Variants in NDST4 observed in about 807,000 individuals in gnomAD.
NDST4 encodes N-deacetylase and N-sulfotransferase 4, also known as N-heparan sulfate sulfotransferase 4.
Under a neutral mutation model 100.8 loss-of-function variants are expected in NDST4, and 63 were observed. The ratio of observed to expected loss-of-function variants is 0.62; its 90% CI spans 0.51 to 0.77. NDST4 has a LOEUF of 0.77. Ranked by LOEUF, NDST4 falls within the 30% of genes least tolerant of loss-of-function variation. NDST4 has a pLI of 0.00. For synonymous variants in NDST4, 377 were observed against 361.8 expected, an observed-to-expected ratio of 1.04 and a Z score of -0.48; for missense variants, 943 against 1,018.4, an observed-to-expected ratio of 0.93 and a Z score of 1.01.
intron 2 of NDST4, among the ~76,000 whole-genome samples, chr4:115,039,785 C>T (rs2126273525): frequency 6.6e-6 from 1 of 152,144 alleles, no homozygotes; most frequent in African/African-American, 2.4e-5. Context: ...GTAAATAATA[C>T]ATGCACACAC....
At chr4:114,979,824 A>G (rs1020762231) in intron 2 of NDST4, among the ~76,000 whole-genome samples, 4 of 151,992 alleles carry the variant, frequency 2.6e-5, no homozygotes, top group Non-Finnish European at 5.9e-5. Context: ...AAAATGACAA[A>G]TTCTATAAGT....
intron 2 of NDST4, among the ~76,000 whole-genome samples, chr4:115,005,676 G>A (rs1009339357): frequency 1.3e-5 from 2 of 152,132 alleles, no homozygotes; most frequent in Non-Finnish European, 2.9e-5. Context: ...TTCTGAATAA[G>A]ACTAGAGGCA....
At chr4:114,965,469 A>G (rs894712704) in intron 4 of NDST4, among the ~76,000 whole-genome samples, 2 of 147,666 alleles carry the variant, frequency 1.4e-5, no homozygotes, top group Non-Finnish European at 2.9e-5. Context: ...GTAATTATGA[A>G]AAAAGTTATA....
chr4:114,928,135 T>C (rs188377324), intron 6 of NDST4, among the ~76,000 whole-genome samples: 170 of 152,344 alleles, frequency 1.1e-3, no homozygotes, highest in African/African-American at 3.9e-3. Flanking sequence ...AACTAACTTC[T>C]TTCCTTGGCA....
Position 114,841,783 on chromosome 4 carries a change from T to C in NDST4, c.2116-2235A>G, listed in dbSNP as rs181865474. Among the ~76,000 whole-genome samples the C allele has an allele frequency of 3.9e-4, 60 of 152,342 alleles. 1 individual carries two copies. The highest frequency in any genetic ancestry group is 1.4e-3 in the African/African-American group (57 of 41,586). ...CATAATTCTTGTACCTTGTGGGAAA[T>C]ACTGACTCGTGTATTAGATAAATTC... On this transcript the variant is annotated intron_variant, in intron 10 of 13. Transcript: ENST00000264363.
At chr4:114,959,950 G>A (rs887996223) in intron 4 of NDST4, among the ~76,000 whole-genome samples, 10 of 151,998 alleles carry the variant, frequency 6.6e-5, no homozygotes, top group Non-Finnish European at 1.2e-4. Flanking sequence ...CAGTGAACTA[G>A]AACTAAAATA....
intron 2 of NDST4, among the ~76,000 whole-genome samples, chr4:115,011,244 T>C (rs1462353889): frequency 6.6e-6 from 1 of 151,996 alleles, no homozygotes; most frequent in East Asian, 1.9e-4. Flanking sequence ...ATCTGTATGT[T>C]ACATGTCTAC....
chr4:114,945,647 C>G (rs554890460), intron 4 of NDST4, among the ~76,000 whole-genome samples: 1 of 152,294 alleles, frequency 6.6e-6, no homozygotes, highest in Non-Finnish European at 1.5e-5. Flanking sequence ...CCTTGTTGAA[C>G]TTAAAGTGCT....
intron 3 of NDST4, among the ~76,000 whole-genome samples, chr4:114,972,579 C>T (rs922093597): frequency 6.6e-6 from 1 of 151,778 alleles, no homozygotes; most frequent in Non-Finnish European, 1.5e-5. Flanking sequence ...AAGAGTTTAC[C>T]ACTTCCTCAG....
intron 8 of NDST4, 58 bp downstream of exon 8, chr4:114,852,667 A>G: frequency 1.1e-6 from 1 of 911,186 alleles, no homozygotes; most frequent in Non-Finnish European, 1.7e-6. Context: ...CCATATACCA[A>G]TGTATTTCAT....
At chr4:114,850,857 A>G (rs958213042) in intron 8 of NDST4, among the ~76,000 whole-genome samples, 1 of 152,168 alleles carries the variant, frequency 6.6e-6, no homozygotes, top group Non-Finnish European at 1.5e-5. Flanking sequence ...TGAAGGATGA[A>G]TATCTGTTCA....
intron 6 of NDST4, among the ~76,000 whole-genome samples, chr4:114,904,037 C>T (rs1001866352): frequency 2.0e-5 from 3 of 151,882 alleles, no homozygotes; most frequent in African/African-American, 7.2e-5. Context: ...ATGTCACATG[C>T]CTTTCACAAT....
intron 7 of NDST4, among the ~76,000 whole-genome samples, chr4:114,868,909 T>C (rs971549193): frequency 6.0e-5 from 9 of 148,936 alleles, no homozygotes; most frequent in Non-Finnish European, 8.9e-5. Flanking sequence ...ACCCCTATGA[T>C]ATTATGCAAA....
At chr4:115,111,241 T>A (rs1405766538) in intron 1 of NDST4, among the ~76,000 whole-genome samples, 3 of 151,968 alleles carry the variant, frequency 2.0e-5, no homozygotes, top group African/African-American at 7.2e-5. Context: ...TAAGAACTAA[T>A]GTTAGTATTG....
intron 4 of NDST4, among the ~76,000 whole-genome samples, chr4:114,946,625 T>G (rs146999497): frequency 7.3e-4 from 111 of 152,258 alleles, no homozygotes; most frequent in African/African-American, 2.7e-3. Flanking sequence ...AATTCTATTG[T>G]TTTTGCAGCA....
intron 2 of NDST4, among the ~76,000 whole-genome samples, chr4:114,992,577 C>T (rs1457685571): frequency 6.7e-6 from 1 of 150,182 alleles, no homozygotes; most frequent in South Asian, 2.1e-4. Context: ...TAAAGTTGAC[C>T]TTTTGTTTCC....
intron 6 of NDST4, among the ~76,000 whole-genome samples, chr4:114,929,146 A>G (rs938021100): frequency 3.3e-5 from 5 of 150,962 alleles, no homozygotes; most frequent in African/African-American, 1.2e-4. Context: ...CTATCTATCT[A>G]TCTATCTATC....
intron 2 of NDST4, among the ~76,000 whole-genome samples, chr4:114,993,233 T>C (rs1393183641): frequency 1.3e-5 from 2 of 151,880 alleles, no homozygotes; most frequent in Non-Finnish European, 2.9e-5. Flanking sequence ...AATATAGAAA[T>C]GACATCTGGG....
At chr4:114,919,386 G>T (rs1725242399) in intron 6 of NDST4, among the ~76,000 whole-genome samples, 1 of 152,126 alleles carries the variant, frequency 6.6e-6, no homozygotes, top group Non-Finnish European at 1.5e-5. Flanking sequence ...ACTGGAAAAA[G>T]GTGGACAACC....
Sources: gnomAD v4.1 joint callset for allele counts (sites outside exome capture counted in the v4.1 genomes callset) on GRCh38, gnomAD v4.1.1 for gene constraint, MANE v1.5 for transcripts, NCBI Gene and HGNC (gene_info 2026-07-23, HGNC 2026-07-21) for gene names.